Variants in RANBP2 observed in about 807,000 individuals in gnomAD.
The protein encoded by RANBP2 is E3 SUMO-protein ligase RanBP2.
In RANBP2, 57 loss-of-function variants were observed where a neutral mutation model predicts 303.6. That is an observed-to-expected ratio of 0.19 (90% CI 0.15 to 0.23). The LOEUF is 0.23. Among genes scored for constraint, RANBP2 ranks in the 10% least tolerant of loss-of-function variants. The pLI, the probability that RANBP2 is intolerant of heterozygous loss-of-function variation, is 1.00. For synonymous variants in RANBP2, 1,167 were observed against 1,301.5 expected (o/e 0.90, Z 2.23); for missense variants, 3,138 against 3,780.8 (o/e 0.83, Z 4.46).
the RANBP2 span, among the ~76,000 whole-genome samples, chr2:109,440,815 T>G: frequency 3.4e-4 from 52 of 152,192 alleles, no homozygotes; most frequent in African/African-American, 1.2e-3. Context: ...GATCTTCAGG[T>G]GACAACTCAT....
chr2:109,510,335 C>G, the RANBP2 span, among the ~76,000 whole-genome samples: 2 of 152,006 alleles, frequency 1.3e-5, no homozygotes. Flanking sequence ...GGGAATGGCT[C>G]GTATGAATGT....
At chr2:109,470,584 A>G in the RANBP2 span, among the ~76,000 whole-genome samples, 1 of 152,248 alleles carries the variant, frequency 6.6e-6, no homozygotes, top group East Asian at 1.9e-4. Flanking sequence ...GAGCTGAACA[A>G]GGCAGTCTGG....
At chr2:109,490,693 A>G in the RANBP2 span, 2 of 1,531,048 alleles carry the variant, frequency 1.3e-6, no homozygotes, top group East Asian at 4.9e-5. Flanking sequence ...TCTCCAACCC[A>G]CGACCCCCAG....
the RANBP2 span, among the ~76,000 whole-genome samples, chr2:109,580,115 C>T: frequency 1.2e-4 from 18 of 151,480 alleles, no homozygotes; most frequent in Non-Finnish European, 2.5e-4. Flanking sequence ...GAGTGAAGTT[C>T]CATCTTAAAA....
the RANBP2 span, among the ~76,000 whole-genome samples, chr2:109,001,216 C>G: frequency 6.6e-6 from 1 of 152,216 alleles, no homozygotes; most frequent in Admixed American, 6.5e-5. Flanking sequence ...ACTCCTGAGG[C>G]TGAGCTCCAG....
At chr2:109,734,395 A>T in the RANBP2 span, among the ~76,000 whole-genome samples, 1 of 152,176 alleles carries the variant, frequency 6.6e-6, no homozygotes, top group East Asian at 1.9e-4. Flanking sequence ...ATAGCATCTA[A>T]AAAATTAAAT....
At chr2:109,736,120 CA>C in the RANBP2 span, among the ~76,000 whole-genome samples, 68 of 152,338 alleles carry the variant, frequency 4.5e-4, no homozygotes, top group African/African-American at 1.6e-3. Context: ...CACACTTCTG[CA>C]TTATTGTTCG....
chr2:109,413,099 G>C, the RANBP2 span, among the ~76,000 whole-genome samples: 1 of 152,174 alleles, frequency 6.6e-6, no homozygotes, highest in African/African-American at 2.4e-5. Flanking sequence ...TTTCTGACTT[G>C]TCTGATTATC....
chr2:109,018,519 T>C, the RANBP2 span, among the ~76,000 whole-genome samples: 7 of 152,186 alleles, frequency 4.6e-5, no homozygotes, highest in Non-Finnish European at 8.8e-5. Flanking sequence ...CCCCGTTGCC[T>C]GTACCAAAGT....
chr2:109,608,175 C>T, the RANBP2 span, among the ~76,000 whole-genome samples: 1 of 152,230 alleles, frequency 6.6e-6, no homozygotes. Flanking sequence ...TAATTTAGAG[C>T]TCAAGGCAAT....
the RANBP2 span, among the ~76,000 whole-genome samples, chr2:109,771,363 T>C: frequency 0.012 from 1,016 of 84,406 alleles, 205 homozygotes; most frequent in Non-Finnish European, 0.017. Flanking sequence ...ATAAAGTCCG[T>C]TCTGCCTGAG....
At chr2:108,916,876 T>C in the RANBP2 span, among the ~76,000 whole-genome samples, 1 of 152,164 alleles carries the variant, frequency 6.6e-6, no homozygotes, top group South Asian at 2.1e-4. Flanking sequence ...GAGACACTTC[T>C]CACAAGACTG....
the RANBP2 span, among the ~76,000 whole-genome samples, chr2:108,997,459 A>AAAAAAAG: frequency 3.0e-5 from 4 of 131,464 alleles, no homozygotes; most frequent in African/African-American, 5.4e-5. Flanking sequence ...AAAAAAAAAA[A>AAAAAAAG]AAAAGATGAT....
the RANBP2 span, among the ~76,000 whole-genome samples, chr2:109,243,549 C>T: frequency 6.6e-6 from 1 of 152,228 alleles, no homozygotes; most frequent in East Asian, 1.9e-4. Flanking sequence ...TAATTAACAC[C>T]ATGGGAACCT....
the RANBP2 span, among the ~76,000 whole-genome samples, chr2:109,100,132 T>C: frequency 6.6e-6 from 1 of 152,224 alleles, no homozygotes. Flanking sequence ...TCTCATGCAT[T>C]CTTTCTTAGG....
chr2:109,588,754 G>C, the RANBP2 span, among the ~76,000 whole-genome samples: 2 of 150,860 alleles, frequency 1.3e-5, no homozygotes, highest in African/African-American at 4.9e-5. Context: ...GCTTCTCAAA[G>C]TGCTAGGATT....
the RANBP2 span, among the ~76,000 whole-genome samples, chr2:108,972,315 C>G: frequency 3.9e-5 from 6 of 152,386 alleles, 1 homozygote; most frequent in East Asian, 5.8e-4. Context: ...CAGTTCTCGA[C>G]AAGCTTAGGA....
At chr2:109,690,929 G>A in the RANBP2 span, among the ~76,000 whole-genome samples, 1 of 152,092 alleles carries the variant, frequency 6.6e-6, no homozygotes, top group Non-Finnish European at 1.5e-5. Context: ...CCTAGTCCTG[G>A]CTTTGTTTTG....
the RANBP2 span, among the ~76,000 whole-genome samples, chr2:109,194,922 A>C: frequency 6.6e-6 from 1 of 152,150 alleles, no homozygotes; most frequent in South Asian, 2.1e-4. Flanking sequence ...AAAAGAAAAA[A>C]ATCCAAGGAA....
Sources: allele counts gnomAD v4.1 joint callset (sites outside exome capture counted in the v4.1 genomes callset), GRCh38; gene constraint gnomAD v4.1.1; transcripts MANE v1.5; gene names NCBI Gene and HGNC (gene_info 2026-07-23, HGNC 2026-07-21).